Variants in SLC38A4 observed in about 807,000 individuals in gnomAD.
SLC38A4 encodes solute carrier family 38 member 4.
Under a neutral mutation model 63.1 loss-of-function variants are expected in SLC38A4, and 20 were observed. That is an observed-to-expected ratio of 0.32 (90% CI 0.22 to 0.46). The LOEUF is 0.46. SLC38A4 is among the 20% of genes least tolerant of loss of function. SLC38A4 has a pLI of 1.00. For missense variants in SLC38A4, 526 were observed against 663.6 expected (o/e 0.79, Z 2.28); for synonymous variants, 230 against 225.5 (o/e 1.02, Z -0.18).
chr12:46,768,444 C>G lies in SLC38A4; in HGVS notation c.1445-37G>C, dbSNP rs1301569000. The G allele has an allele frequency of 4.7e-6, 7 of 1,484,520 alleles. No individual in the cohort carries two copies. In the Admixed American group the frequency reaches 1.3e-4, roughly 27 times the overall value. The allele number at this position is 1,484,520 out of a possible 1,614,324, so 92.0% of individuals were successfully genotyped here. On this transcript the variant is annotated intron_variant, in intron 15 of 16. Transcript: ENST00000266579. ...AACACAGGGCAAGGTCAATGTCTTA[C>G]CCAGCAGTTCCTAGCAAAGGAGATG...
intron 2 of SLC38A4, among the ~76,000 whole-genome samples, chr12:46,794,595 G>A (rs1164305236): frequency 6.6e-6 from 1 of 151,686 alleles, no homozygotes; most frequent in Non-Finnish European, 1.5e-5. Flanking sequence ...AAACTCAGCT[G>A]AAGGAAGACT....
chr12:46,791,181 G>A (rs1018517468), intron 3 of SLC38A4, among the ~76,000 whole-genome samples: 3 of 152,216 alleles, frequency 2.0e-5, no homozygotes, highest in African/African-American at 7.2e-5. Flanking sequence ...TTTACTGAGG[G>A]TAATGCAGTG....
chr12:46,775,234 T>A (rs752939567), intron 13 of SLC38A4, 61 bp from the exon 14 acceptor site: 3 of 1,564,048 alleles, frequency 1.9e-6, no homozygotes. Flanking sequence ...AGGTCACTTA[T>A]GGCAACATTT....
intron 1 of SLC38A4, among the ~76,000 whole-genome samples, chr12:46,825,583 C>G (rs181217786): frequency 4.3e-4 from 65 of 152,234 alleles, no homozygotes; most frequent in Admixed American, 2.9e-3. Context: ...AAACACGAAC[C>G]CTTTTAGTTA....
intron 1 of SLC38A4, among the ~76,000 whole-genome samples, chr12:46,821,034 TA>T (rs1939535518): frequency 6.6e-6 from 1 of 152,060 alleles, no homozygotes; most frequent in South Asian, 2.1e-4. Flanking sequence ...ATTTGTTATG[TA>T]GGTGTTCCTT....
intron 3 of SLC38A4, among the ~76,000 whole-genome samples, chr12:46,788,883 C>G (rs1422207329): frequency 6.6e-6 from 1 of 152,150 alleles, no homozygotes; most frequent in African/African-American, 2.4e-5. Context: ...CACATTCCCT[C>G]TTTCTCACAT....
At chr12:46,788,647 G>A (rs1413910927) in intron 3 of SLC38A4, 29 bp from the exon 4 acceptor site, 1 of 1,549,206 alleles carries the variant, frequency 6.5e-7, no homozygotes, top group Non-Finnish European at 8.9e-7. Flanking sequence ...AAATAAGAAA[G>A]TGAAAACATC....
intron 5 of SLC38A4, 96 bp from the exon 6 acceptor site, chr12:46,785,273 A>G (rs1446860998): frequency 1.0e-6 from 1 of 992,402 alleles, no homozygotes; most frequent in Admixed American, 2.1e-5. Context: ...TAATCTTTTC[A>G]ATCATCAGCT....
intron 1 of SLC38A4, among the ~76,000 whole-genome samples, chr12:46,806,471 G>A (rs1044067775): frequency 3.3e-5 from 5 of 151,878 alleles, no homozygotes; most frequent in African/African-American, 1.2e-4. Context: ...AGGCCAGTAG[G>A]AAGGTTGACT....
chr12:46,780,309 T>G (rs1486097702), intron 7 of SLC38A4, among the ~76,000 whole-genome samples: 1 of 151,996 alleles, frequency 6.6e-6, no homozygotes, highest in Admixed American at 6.6e-5. Flanking sequence ...TCTGCCCTCA[T>G]TAGTTATAAA....
In SLC38A4 at chr12:46,784,496, C is replaced by T. The variant is rs116017470; in HGVS notation, c.493+46G>A. 4,262 of 1,464,862 alleles carry T rather than the reference C, an allele frequency of 2.9e-3. 17 individuals are homozygous for T. Among genetic ancestry groups the T allele is most frequent in the Middle Eastern group, 4.8e-3 (27 of 5,668 alleles). 90.7% of individuals were successfully genotyped at this position (1,464,862 alleles called of 1,614,324 possible). A position where few individuals can be genotyped will look rare whatever the true frequency, so the allele number is the denominator to read the frequency against. ...CATAAGTTTTCTTATTTATTGAACA[C>T]GCTATAGAAAGTTTATGGGATCCAT... On this transcript the variant is annotated intron_variant, in intron 7 of 16. Coordinates refer to ENST00000266579, the MANE Select transcript of SLC38A4 (RefSeq NM_018018.5).
chr12:46,826,126 T>C (rs1399076487), upstream of SLC38A4: 2 of 152,292 alleles, frequency 1.3e-5, no homozygotes, highest in Non-Finnish European at 1.5e-5. Flanking sequence ...AAGTTGCCTG[T>C]TGGTAAATTG....
rs535505262 is a variant in SLC38A4, at chr12:46,767,063, C to G, written c.1543-261G>C. On this transcript the variant is annotated intron_variant, in intron 16 of 16. Transcript: ENST00000266579. The stretch of plus-strand genomic sequence containing the variant: ...TTAGTACACCAAGATGATGGAATAC[C>G]CTGTGATTATTAAAAATCAAGGGAC... 4.0e-4 allele frequency among the ~76,000 whole-genome samples: 60 copies of G among 151,698 alleles called. 1 individual carries two copies. Among genetic ancestry groups the G allele is most frequent in the Admixed American group, 3.0e-3 (46 of 15,208 alleles).
chr12:46,785,683 A>C (rs1938743724), intron 5 of SLC38A4, among the ~76,000 whole-genome samples: 1 of 150,248 alleles, frequency 6.7e-6, no homozygotes, highest in South Asian at 2.1e-4. Flanking sequence ...AGGGGCAGGC[A>C]GTTGCATATA....
At chr12:46,778,143 T>C (rs1379659095) in intron 12 of SLC38A4, 146 bp downstream of exon 12, 1 of 708,152 alleles carries the variant, frequency 1.4e-6, no homozygotes, top group Non-Finnish European at 2.4e-6. Context: ...CCCACCTTTC[T>C]GATTAAAGCA....
chr12:46,812,259 T>A (rs1939353066), intron 1 of SLC38A4, among the ~76,000 whole-genome samples: 1 of 152,070 alleles, frequency 6.6e-6, no homozygotes, highest in Non-Finnish European at 1.5e-5. Context: ...GCATCTTTTC[T>A]TTCTCTTTAA....
At chr12:46,786,593 T>C (rs1938766111) in intron 5 of SLC38A4, among the ~76,000 whole-genome samples, 1 of 152,162 alleles carries the variant, frequency 6.6e-6, no homozygotes. Context: ...GCAGCTTTTT[T>C]TGTCTTAGAG....
intron 6 of SLC38A4, 28 bp downstream of exon 6, chr12:46,785,076 A>G (rs780802240): frequency 2.0e-6 from 3 of 1,518,040 alleles, no homozygotes; most frequent in East Asian, 2.3e-5. Context: ...ATTAAAATAG[A>G]ATGTGTTGGA....
chr12:46,805,431 AT>A (rs896081356), intron 1 of SLC38A4, among the ~76,000 whole-genome samples: 1 of 151,996 alleles, frequency 6.6e-6, no homozygotes, highest in East Asian at 1.9e-4. Context: ...TCATTTGACT[AT>A]TTTTTTCCCT....
Sources: allele counts gnomAD v4.1 joint callset (sites outside exome capture counted in the v4.1 genomes callset), GRCh38; gene constraint gnomAD v4.1.1; transcripts MANE v1.5; gene names NCBI Gene and HGNC (gene_info 2026-07-23, HGNC 2026-07-21).